BFSP1: variants seen among roughly 807,000 people sequenced by gnomAD.
The protein encoded by BFSP1 is filensin.
In BFSP1, 38 loss-of-function variants were observed where a neutral mutation model predicts 43.9. The observed-to-expected ratio is 0.87, with a 90% CI of 0.67 to 1.14. The LOEUF is 1.14. Ranked by LOEUF, BFSP1 falls within the 50% of genes most tolerant of loss-of-function variation. The pLI is 0.00. For missense variants in BFSP1, 850 were observed against 875.1 expected (o/e 0.97, Z 0.36); for synonymous variants, 352 against 354.8 (o/e 0.99, Z 0.09).
chr20:17,558,050 A>T (rs2035022545), intron 1 of BFSP1, among the ~76,000 whole-genome samples: 1 of 152,132 alleles, frequency 6.6e-6, no homozygotes, highest in South Asian at 2.1e-4. Context: ...TCTAAACTTC[A>T]TCTGAAAAGC....
intron 5 of BFSP1, among the ~76,000 whole-genome samples, chr20:17,505,917 T>C (rs1300777417): frequency 6.6e-6 from 1 of 152,230 alleles, no homozygotes; most frequent in East Asian, 1.9e-4. Flanking sequence ...CTTTTCCCCT[T>C]GGTGCTACAC....
intron 1 of BFSP1, among the ~76,000 whole-genome samples, chr20:17,551,499 A>G (rs2034895315): frequency 6.6e-6 from 1 of 152,218 alleles, no homozygotes; most frequent in Non-Finnish European, 1.5e-5. Context: ...TGAAATTTAG[A>G]GGTGACAACA....
chr20:17,558,557 T>C, intron 1 of BFSP1: 1 of 957,940 alleles, frequency 1.0e-6, no homozygotes, highest in Non-Finnish European at 1.5e-6. Flanking sequence ...GAAATTTCCA[T>C]GAGTCATAAA....
chr20:17,524,221 T>C (rs2034374101), intron 2 of BFSP1, among the ~76,000 whole-genome samples: 1 of 152,106 alleles, frequency 6.6e-6, no homozygotes, highest in African/African-American at 2.4e-5. Context: ...GTGGTGGGAT[T>C]CTCCCAGCAA....
chr20:17,548,180 C>CAAAAAA (rs11470598), intron 1 of BFSP1, among the ~76,000 whole-genome samples: 3 of 119,842 alleles, frequency 2.5e-5, no homozygotes, highest in East Asian at 2.8e-4. Context: ...GAAAATAATG[C>CAAAAAA]AAAAAAAAAA....
In BFSP1 at chr20:17,553,862, C is replaced by CACAT. The variant is rs1568718185; in HGVS notation, c.2+4825_2+4826insATGT. Among the ~76,000 whole-genome samples the CACAT allele has an allele frequency of 4.2e-4, 39 of 92,758 alleles. 4 individuals carry two copies. The East Asian group carries it at 0.011, about 26-fold the overall frequency. 60.9% of individuals were successfully genotyped at this position (92,758 alleles called of 152,430 possible). ...ACACATATATATACATATATATACA[C>CACAT]ATATATATACATATATATATATACA... On this transcript the variant is annotated intron_variant, in intron 1 of 7. Coordinates refer to the BFSP1 transcript ENST00000377868.
At chr20:17,555,135 C>G (rs964108172) in intron 1 of BFSP1, among the ~76,000 whole-genome samples, 1 of 151,298 alleles carries the variant, frequency 6.6e-6, no homozygotes, top group Non-Finnish European at 1.5e-5. Context: ...CCTGTCTCTA[C>G]AAAAAATTAA....
intron 4 of BFSP1, among the ~76,000 whole-genome samples, chr20:17,511,380 A>G (rs1351797428): frequency 1.3e-5 from 2 of 152,226 alleles, no homozygotes; most frequent in Non-Finnish European, 2.9e-5. Context: ...ATTATCTGAG[A>G]TTATCTGTAT....
At chr20:17,501,936 G>A (rs546069999) in intron 5 of BFSP1, among the ~76,000 whole-genome samples, 16 of 152,330 alleles carry the variant, frequency 1.1e-4, no homozygotes, top group African/African-American at 2.9e-4. Flanking sequence ...TGAGGCTGCC[G>A]CTCTGGAGTG....
chr20:17,496,859 A>C, intron 7 of BFSP1, 79 bp downstream of exon 7: 2 of 1,226,540 alleles, frequency 1.6e-6, no homozygotes, highest in Non-Finnish European at 2.2e-6. Flanking sequence ...AGCAAGCATG[A>C]ATGTTAAAGT....
At chr20:17,545,224 G>C (rs1433792216) in intron 1 of BFSP1, among the ~76,000 whole-genome samples, 1 of 152,200 alleles carries the variant, frequency 6.6e-6, no homozygotes, top group Non-Finnish European at 1.5e-5. Context: ...ATTAGGCAAA[G>C]CATGAGCATT....
At chr20:17,564,939 T>C (rs955620680) in intron 1 of BFSP1, among the ~76,000 whole-genome samples, 31 of 151,798 alleles carry the variant, frequency 2.0e-4, no homozygotes, top group Middle Eastern at 3.2e-3. Context: ...TGTAACTTTT[T>C]TTTTTTTTTT....
intron 1 of BFSP1, among the ~76,000 whole-genome samples, chr20:17,547,036 A>G (rs1321990956): frequency 6.6e-6 from 1 of 151,726 alleles, no homozygotes; most frequent in Non-Finnish European, 1.5e-5. Flanking sequence ...CAAAAAAAAA[A>G]AAAAAAAAAA....
intron 5 of BFSP1, among the ~76,000 whole-genome samples, chr20:17,505,295 G>A (rs779024565): frequency 2.2e-4 from 34 of 152,342 alleles, no homozygotes; most frequent in Non-Finnish European, 2.9e-4. Context: ...CCACGTGGAG[G>A]GCTTAAACAA....
upstream of BFSP1, among the ~76,000 whole-genome samples, chr20:17,531,921 A>G (rs921544186): frequency 6.6e-6 from 1 of 151,864 alleles, no homozygotes; most frequent in Non-Finnish European, 1.5e-5. Flanking sequence ...TCTGTATAGC[A>G]GAGGTTCTTA....
At chr20:17,563,433 G>T (rs2122131305), upstream of BFSP1, among the ~76,000 whole-genome samples, 1 of 129,356 alleles carries the variant, frequency 7.7e-6, no homozygotes, top group African/African-American at 2.9e-5. Flanking sequence ...GTCTCGTGCT[G>T]TTGCCTCCCA....
chr20:17,501,810 T>G (rs1419384999), intron 5 of BFSP1, among the ~76,000 whole-genome samples: 1 of 152,036 alleles, frequency 6.6e-6, no homozygotes, highest in Non-Finnish European at 1.5e-5. Flanking sequence ...GGACCAGGGG[T>G]GGGCCTGACC....
rs17717798 is a variant in BFSP1, at chr20:17,508,555, T to C, written c.735+334A>G. ...CTTACGAAGCTTGACCTGGGCAAAA[T>C]GAATGCATGATGTAGACACTGGGGC... On this transcript the variant is annotated intron_variant, in intron 5 of 7. Coordinates refer to ENST00000377873, the MANE Select transcript of BFSP1 (RefSeq NM_001195.5). 0.15 allele frequency among the ~76,000 whole-genome samples: 22,467 copies of C among 152,082 alleles called. 1,758 individuals are homozygous for C. The highest frequency in any genetic ancestry group is 0.22 in the Middle Eastern group (65 of 294).
chr20:17,526,125 GT>G (rs201625297), intron 1 of BFSP1, among the ~76,000 whole-genome samples: 1 of 75,496 alleles, frequency 1.3e-5, no homozygotes, highest in Non-Finnish European at 2.4e-5. Context: ...CACTTTTTCT[GT>G]TTTTTTCTGT....
Sources: allele counts gnomAD v4.1 joint callset (sites outside exome capture counted in the v4.1 genomes callset), GRCh38; gene constraint gnomAD v4.1.1; transcripts MANE v1.5; gene names NCBI Gene and HGNC (gene_info 2026-07-23, HGNC 2026-07-21).